HELQ: variants seen among roughly 807,000 people sequenced by gnomAD.
HELQ encodes the protein helicase POLQ-like.
HELQ carries 77 observed loss-of-function variants against 111.6 expected under a neutral mutation model. The observed-to-expected ratio is 0.69, with a 90% CI of 0.57 to 0.83. HELQ has a LOEUF of 0.83. Ranked by LOEUF, HELQ falls within the 40% of genes least tolerant of loss-of-function variation. The pLI is 0.00. For synonymous variants in HELQ, 438 were observed against 454.7 expected, an observed-to-expected ratio of 0.96 and a Z score of 0.47; for missense variants, 1,200 against 1,288.5, an observed-to-expected ratio of 0.93 and a Z score of 1.05.
At chr4:83,425,141 G>A (rs972521742) in intron 14 of HELQ, among the ~76,000 whole-genome samples, 3 of 151,770 alleles carry the variant, frequency 2.0e-5, no homozygotes, top group Non-Finnish European at 2.9e-5. Context: ...TTAGCTAGGC[G>A]TGGTGGCAGG....
intron 14 of HELQ, among the ~76,000 whole-genome samples, chr4:83,424,775 C>T (rs1719754232): frequency 6.6e-6 from 1 of 151,796 alleles, no homozygotes; most frequent in South Asian, 2.1e-4. Flanking sequence ...TCAGGCTGGT[C>T]TTGAACTCCT....
At chr4:83,420,698 T>C (rs1482127589) in intron 15 of HELQ, among the ~76,000 whole-genome samples, 2 of 151,942 alleles carry the variant, frequency 1.3e-5, no homozygotes, top group East Asian at 1.9e-4. Context: ...GGCAGGAGAA[T>C]TGCATGAACT....
intron 6 of HELQ, 44 bp downstream of exon 6, chr4:83,443,473 T>C: frequency 1.1e-6 from 1 of 869,862 alleles, no homozygotes; most frequent in Non-Finnish European, 1.8e-6. Flanking sequence ...CTAAGTTAGA[T>C]GAATACGAAA....
intron 17 of HELQ, among the ~76,000 whole-genome samples, chr4:83,409,507 T>A (rs905971780): frequency 6.6e-6 from 1 of 151,722 alleles, no homozygotes; most frequent in South Asian, 2.1e-4. Context: ...TGAGCCAAGA[T>A]TGCACCACTG....
chr4:83,429,793 C>G, intron 11 of HELQ, 47 bp from the exon 12 acceptor site: 1 of 1,221,602 alleles, frequency 8.2e-7, no homozygotes, highest in Non-Finnish European at 1.2e-6. Flanking sequence ...TAATTCAAGG[C>G]ATCACCTTGA....
chr4:83,413,152 A>G (rs1373066061), intron 17 of HELQ, among the ~76,000 whole-genome samples: 1 of 152,148 alleles, frequency 6.6e-6, no homozygotes, highest in Non-Finnish European at 1.5e-5. Context: ...TGACCTATGA[A>G]TCTCTTCATC....
rs773527179 is a variant in HELQ, at chr4:83,453,561, G to A, written c.682C>T (p.His228Tyr). 3.0e-5 allele frequency: 48 copies of A among 1,613,464 alleles called. No homozygotes were observed. Among genetic ancestry groups the A allele is most frequent in the Non-Finnish European group, 3.8e-5 (45 of 1,179,724 alleles). The change falls in exon 2 of 18, where the codon CAC becomes TAC. Residue 228 changes from histidine to tyrosine, a missense_variant. By Grantham distance (83) the His-to-Tyr change is moderately conservative (BLOSUM62 2). This residue lies in a region of HELQ where 610 missense variants were observed against 607.1 expected (regional missense o/e 1.00). Coordinates refer to ENST00000295488, the MANE Select transcript of HELQ (RefSeq NM_133636.5). ...MKERDWKSSS[H>Y]NTVNEELPHN... is the part of the protein sequence containing the mutation. ...GGCAGTTCCTCATTCACAGTGTTGT[G>A]AGAGGATGACTTCCAATCCCTTTCT... is the stretch of plus-strand genomic sequence containing the variant.
intron 17 of HELQ, among the ~76,000 whole-genome samples, chr4:83,412,635 G>A (rs865778146): frequency 3.9e-5 from 6 of 152,162 alleles, no homozygotes; most frequent in Middle Eastern, 3.2e-3. Flanking sequence ...AGACCAGCCT[G>A]GGCAACATAG....
intron 9 of HELQ, among the ~76,000 whole-genome samples, chr4:83,433,622 CGCCA>C (rs1182387983): frequency 7.0e-6 from 1 of 143,590 alleles, no homozygotes; most frequent in Non-Finnish European, 1.5e-5. Flanking sequence ...GCGGAGATTG[CGCCA>C]CTGCACTCCA....
chr4:83,408,352 AGTGATT>A (rs1738903087), intron 17 of HELQ, among the ~76,000 whole-genome samples: 1 of 152,038 alleles, frequency 6.6e-6, no homozygotes, highest in South Asian at 2.1e-4. Context: ...CCCAGGTTCA[AGTGATT>A]CAGAAGGCCT....
intron 8 of HELQ, among the ~76,000 whole-genome samples, chr4:83,437,333 C>CT (rs1720513749): frequency 6.6e-6 from 1 of 151,982 alleles, no homozygotes; most frequent in Non-Finnish European, 1.5e-5. Context: ...TAAGGAAAGG[C>CT]GAAATGCGAT....
At chr4:83,417,672 G>A (rs1194218191) in intron 16 of HELQ, among the ~76,000 whole-genome samples, 1 of 152,122 alleles carries the variant, frequency 6.6e-6, no homozygotes, top group Non-Finnish European at 1.5e-5. Flanking sequence ...AACCAGTTGC[G>A]AACCCTTTCT....
intron 2 of HELQ, among the ~76,000 whole-genome samples, chr4:83,451,405 G>A (rs1721357802): frequency 1.3e-5 from 2 of 152,138 alleles, no homozygotes; most frequent in Non-Finnish European, 2.9e-5. Context: ...GCTCACGCCT[G>A]TAATCCCAGC....
chr4:83,445,946 A>C, intron 5 of HELQ, 68 bp downstream of exon 5: 1 of 1,011,024 alleles, frequency 9.9e-7, no homozygotes. Flanking sequence ...AGCTAGTGAT[A>C]GAATTAAGTA....
At chr4:83,449,302 A>C (rs937854622) in intron 2 of HELQ, among the ~76,000 whole-genome samples, 1 of 152,210 alleles carries the variant, frequency 6.6e-6, no homozygotes, top group African/African-American at 2.4e-5. Context: ...GACCTGTGTG[A>C]ATTCGAATGT....
chr4:83,438,966 T>G (rs535052407), intron 8 of HELQ, among the ~76,000 whole-genome samples: 26 of 152,324 alleles, frequency 1.7e-4, no homozygotes, highest in Non-Finnish European at 3.5e-4. Context: ...TTTGGAATTT[T>G]TAAAAGCCTC....
At chr4:83,411,794 C>A in intron 17 of HELQ, among the ~76,000 whole-genome samples, 1 of 151,574 alleles carries the variant, frequency 6.6e-6, no homozygotes, top group South Asian at 2.1e-4. Flanking sequence ...CATCACCATG[C>A]CTGGCTAATT....
chr4:83,412,231 T>C lies in HELQ; in HGVS notation c.3198+4500A>G, dbSNP rs371055070. 9.8e-5 allele frequency among the ~76,000 whole-genome samples: 15 copies of C among 152,354 alleles called. 1 individual carries two copies. Among genetic ancestry groups the C allele is most frequent in the Admixed American group, 8.5e-4 (13 of 15,304 alleles). ...CTATTTCTAGTTTCACTGTTTTATG[T>C]AGTGTCTCTTTAGTTCACTGGTCTT... On this transcript the variant is annotated intron_variant, in intron 17 of 17. Coordinates refer to ENST00000295488, the MANE Select transcript of HELQ (RefSeq NM_133636.5).
chr4:83,411,921 G>A (rs1442080353), intron 17 of HELQ, among the ~76,000 whole-genome samples: 2 of 152,110 alleles, frequency 1.3e-5, no homozygotes, highest in Admixed American at 1.3e-4. Flanking sequence ...GGGATTACAG[G>A]TGTGAGCCAC....
Sources: gnomAD v4.1 joint callset for allele counts (sites outside exome capture counted in the v4.1 genomes callset) on GRCh38, gnomAD v4.1.1 for gene constraint, gnomAD v4.1.1 regional missense constraint, MANE v1.5 for transcripts, NCBI Gene and HGNC (gene_info 2026-07-23, HGNC 2026-07-21) for gene names.